TWSG1: variants seen among roughly 807,000 people sequenced by gnomAD.
TWSG1 encodes the protein twisted gastrulation protein homolog 1.
A neutral mutation model predicts 23.0 loss-of-function variants in TWSG1; 15 were observed. The observed-to-expected ratio is 0.65, with a 90% CI of 0.44 to 1.00. The LOEUF (loss-of-function observed/expected upper bound fraction) is 1.00, where lower values mean the gene tolerates loss of function less well. TWSG1 is among the 50% of genes least tolerant of loss of function. The probability of loss-of-function intolerance (pLI) is 0.00; values close to 1 mark genes in which losing one functional copy is unlikely to be tolerated. For missense variants in TWSG1, 242 were observed against 278.7 expected, an observed-to-expected ratio of 0.87 and a Z score of 0.94; for synonymous variants, 86 against 92.8, an observed-to-expected ratio of 0.93 and a Z score of 0.42.
At chr18:9,339,408 G>A (rs2040436248) in intron 2 of TWSG1, among the ~76,000 whole-genome samples, 1 of 152,114 alleles carries the variant, frequency 6.6e-6, no homozygotes, top group Non-Finnish European at 1.5e-5. Flanking sequence ...AGCCTCTGGT[G>A]TAGCTGGGAC....
In TWSG1 at chr18:9,384,711, C is replaced by T. The variant is rs867838970; in HGVS notation, c.224-11569C>T. Among the ~76,000 whole-genome samples, 13 of 150,730 alleles carry T rather than the reference C, an allele frequency of 8.6e-5. No homozygotes were observed. The South Asian group carries it at 1.7e-3, about 19-fold the overall frequency. On this transcript the variant is annotated intron_variant, in intron 3 of 4. Transcript: ENST00000262120. The stretch of plus-strand genomic sequence containing the variant: ...CCCGGGCTGGAGTGCAGTGGCTCAA[C>T]CTTGGCTCACTGCAACCTCCGTCTC...
intron 2 of TWSG1, among the ~76,000 whole-genome samples, chr18:9,345,373 A>G (rs188443066): frequency 5.2e-4 from 79 of 152,272 alleles, no homozygotes; most frequent in African/African-American, 1.8e-3. Context: ...GTTTTAGGCC[A>G]GGTGTGGTGG....
At chr18:9,378,769 G>C (rs186469100) in intron 3 of TWSG1, among the ~76,000 whole-genome samples, 4 of 151,598 alleles carry the variant, frequency 2.6e-5, no homozygotes, top group Admixed American at 2.0e-4. Flanking sequence ...TTAGGAGTTT[G>C]AGACCAGCCT....
intron 3 of TWSG1, among the ~76,000 whole-genome samples, chr18:9,372,159 T>C (rs957662883): frequency 6.7e-6 from 1 of 149,988 alleles, no homozygotes; most frequent in Non-Finnish European, 1.5e-5. Flanking sequence ...TGTATATATA[T>C]TATATATTTG....
At chr18:9,377,775 A>G (rs2040637809) in intron 3 of TWSG1, among the ~76,000 whole-genome samples, 1 of 152,178 alleles carries the variant, frequency 6.6e-6, no homozygotes, top group African/African-American at 2.4e-5. Flanking sequence ...GCTGGAGTGC[A>G]GTGGCATGAT....
At chr18:9,358,684 T>G (rs568096694) in intron 2 of TWSG1, among the ~76,000 whole-genome samples, 1 of 152,212 alleles carries the variant, frequency 6.6e-6, no homozygotes, top group African/African-American at 2.4e-5. Flanking sequence ...ACCGGCTACT[T>G]TGGATTGTTA....
At chr18:9,383,401 C>CCAGGCTGGTCTCGAACT (rs1302712488) in intron 3 of TWSG1, among the ~76,000 whole-genome samples, 1 of 152,004 alleles carries the variant, frequency 6.6e-6, no homozygotes, top group Non-Finnish European at 1.5e-5. Context: ...ACCATGTTGG[C>CCAGGCTGGTCTCGAACT]CAGGCTGGTC....
At chr18:9,398,231 A>G (rs2040746890) in intron 4 of TWSG1, among the ~76,000 whole-genome samples, 1 of 152,138 alleles carries the variant, frequency 6.6e-6, no homozygotes, top group Admixed American at 6.5e-5. Flanking sequence ...ATTAAAATGT[A>G]AGTAATCAAC....
At chr18:9,372,650 A>G (rs2040611293) in intron 3 of TWSG1, among the ~76,000 whole-genome samples, 1 of 151,480 alleles carries the variant, frequency 6.6e-6, no homozygotes, top group Non-Finnish European at 1.5e-5. Flanking sequence ...TTATTTTGTC[A>G]TTATAAGGTA....
intron 2 of TWSG1, among the ~76,000 whole-genome samples, chr18:9,356,984 A>AG (rs2040529911): frequency 6.6e-6 from 1 of 151,562 alleles, no homozygotes; most frequent in Admixed American, 6.6e-5. Flanking sequence ...AAAAAAAAAA[A>AG]AAAAAAAGAC....
intron 2 of TWSG1, among the ~76,000 whole-genome samples, chr18:9,358,854 T>A (rs1226507913): frequency 6.6e-6 from 1 of 152,136 alleles, no homozygotes; most frequent in Non-Finnish European, 1.5e-5. Context: ...ACCAAAATAA[T>A]AAAATATTAA....
chr18:9,348,934 T>G (rs1266169624), intron 2 of TWSG1, among the ~76,000 whole-genome samples: 2 of 152,186 alleles, frequency 1.3e-5, no homozygotes, highest in Non-Finnish European at 2.9e-5. Context: ...GAAGCTCTTA[T>G]GTAAATATTT....
chr18:9,350,554 G>A (rs967064112), intron 2 of TWSG1, among the ~76,000 whole-genome samples: 3 of 152,176 alleles, frequency 2.0e-5, no homozygotes, highest in African/African-American at 7.2e-5. Context: ...AAATTCACTG[G>A]GGGACTTGTA....
chr18:9,391,935 G>A (rs1314424362), intron 3 of TWSG1, among the ~76,000 whole-genome samples: 1 of 152,210 alleles, frequency 6.6e-6, no homozygotes, highest in Non-Finnish European at 1.5e-5. Context: ...TGAAAAGTAG[G>A]TCTCAACAGT....
chr18:9,345,852 A>G (rs527295669), intron 2 of TWSG1, among the ~76,000 whole-genome samples: 7 of 152,332 alleles, frequency 4.6e-5, no homozygotes, highest in African/African-American at 1.7e-4. Flanking sequence ...TTAGGTTTAC[A>G]GAAAAATTGA....
At chr18:9,359,706 A>G (rs2040543327) in intron 2 of TWSG1, among the ~76,000 whole-genome samples, 1 of 152,182 alleles carries the variant, frequency 6.6e-6, no homozygotes, top group Non-Finnish European at 1.5e-5. Flanking sequence ...GTGGGTAGTC[A>G]AGTTATGGAT....
intron 2 of TWSG1, among the ~76,000 whole-genome samples, chr18:9,344,103 A>G (rs2040462210): frequency 6.6e-6 from 1 of 152,114 alleles, no homozygotes; most frequent in Non-Finnish European, 1.5e-5. Flanking sequence ...ACAGGATCTT[A>G]TTATGTTGCC....
chr18:9,395,315 T>C (rs1212528675), intron 3 of TWSG1, among the ~76,000 whole-genome samples: 3 of 152,198 alleles, frequency 2.0e-5, no homozygotes, highest in Non-Finnish European at 4.4e-5. Context: ...TTAATGACCT[T>C]TTGTAAGTGA....
At chr18:9,354,039 A>G (rs2040513803) in intron 2 of TWSG1, among the ~76,000 whole-genome samples, 1 of 152,242 alleles carries the variant, frequency 6.6e-6, no homozygotes, top group South Asian at 2.1e-4. Flanking sequence ...TCTAAGTTTA[A>G]TTATAGGCTT....
Sources: gnomAD v4.1 joint callset for allele counts (sites outside exome capture counted in the v4.1 genomes callset) on GRCh38, gnomAD v4.1.1 for gene constraint, MANE v1.5 for transcripts, NCBI Gene and HGNC (gene_info 2026-07-23, HGNC 2026-07-21) for gene names.